CDH26: variants seen among roughly 807,000 people sequenced by gnomAD.
The protein encoded by CDH26 is cadherin 26, also known as cadherin-like protein 26.
A neutral mutation model predicts 90.3 loss-of-function variants in CDH26; 83 were observed. The observed-to-expected ratio is 0.92, with a 90% CI of 0.77 to 1.10. The LOEUF is 1.10. Among genes scored for constraint, CDH26 ranks in the 50% least tolerant of loss-of-function variants. The pLI is 0.00. For synonymous variants in CDH26, 397 were observed against 396.3 expected, an observed-to-expected ratio of 1.00 and a Z score of -0.02; for missense variants, 1,013 against 1,037.6, an observed-to-expected ratio of 0.98 and a Z score of 0.33.
intron 1 of CDH26, among the ~76,000 whole-genome samples, chr20:59,967,931 TTCCC>T (rs2061188133): frequency 1.5e-5 from 2 of 132,614 alleles, no homozygotes; most frequent in African/African-American, 6.5e-5. Flanking sequence ...TTCCTTTCCT[TTCCC>T]TTTCTTTCTT....
At chr20:59,959,592 G>T (rs972792179) in intron 1 of CDH26, among the ~76,000 whole-genome samples, 23 of 149,254 alleles carry the variant, frequency 1.5e-4, no homozygotes, top group African/African-American at 5.7e-4. Context: ...TAGAGACAGG[G>T]TTTCACCATG....
intron 4 of CDH26, among the ~76,000 whole-genome samples, chr20:59,975,394 G>C (rs1005246043): frequency 1.3e-5 from 2 of 152,128 alleles, no homozygotes; most frequent in African/African-American, 4.8e-5. Context: ...GAGAGGCCCG[G>C]AAGAGTCTCT....
At chr20:59,963,477 C>G (rs1161865018) in intron 1 of CDH26, among the ~76,000 whole-genome samples, 4 of 152,100 alleles carry the variant, frequency 2.6e-5, no homozygotes, top group Non-Finnish European at 5.9e-5. Flanking sequence ...AGGATTTAAA[C>G]TCAGGTCTTC....
intron 1 of CDH26, among the ~76,000 whole-genome samples, chr20:59,966,322 C>T (rs1033096221): frequency 6.6e-6 from 1 of 151,470 alleles, no homozygotes; most frequent in African/African-American, 2.4e-5. Context: ...AAACCTTCTG[C>T]CTTGATGTAC....
chr20:59,994,097 G>T (rs1394362491), intron 10 of CDH26, 153 bp from the exon 11 acceptor site: 2 of 947,302 alleles, frequency 2.1e-6, no homozygotes, highest in African/African-American at 1.7e-5. Context: ...CAGGAAAACA[G>T]ATCACGTGCA....
At chr20:59,994,617 T>C in intron 11 of CDH26, 128 bp downstream of exon 11, 1 of 1,171,104 alleles carries the variant, frequency 8.5e-7, no homozygotes, top group Non-Finnish European at 1.2e-6. Flanking sequence ...CAGAGCTGGC[T>C]CTAGGTGCTC....
chr20:59,966,795 G>T (rs1278172148), intron 1 of CDH26, among the ~76,000 whole-genome samples: 1 of 152,130 alleles, frequency 6.6e-6, no homozygotes, highest in African/African-American at 2.4e-5. Flanking sequence ...TATATACATG[G>T]ATGTTTATTA....
At chr20:60,008,589 G>A (rs922220941) in intron 17 of CDH26, among the ~76,000 whole-genome samples, 1 of 152,176 alleles carries the variant, frequency 6.6e-6, no homozygotes, top group Non-Finnish European at 1.5e-5. Flanking sequence ...GAGCCTGGAC[G>A]TCTCCTGCTG....
chr20:59,983,762 A>C (rs1057428363), intron 5 of CDH26, among the ~76,000 whole-genome samples: 8 of 152,196 alleles, frequency 5.3e-5, no homozygotes, highest in African/African-American at 1.9e-4. Context: ...ATCATAGTAC[A>C]CATTGTATAT....
chr20:60,031,371 C>G (rs149508748), exon 8 of CDH26: 1 of 1,267,280 alleles, frequency 7.9e-7, no homozygotes, highest in Non-Finnish European at 1.0e-6. Flanking sequence ...AACGGAAACA[C>G]GGGGCTTTGG....
At chr20:60,020,808 A>G (rs1437484243) in intron 7 of CDH26, among the ~76,000 whole-genome samples, 5 of 152,174 alleles carry the variant, frequency 3.3e-5, no homozygotes, top group Non-Finnish European at 5.9e-5. Context: ...AAATCCTTGC[A>G]GCTCTCCAAA....
intron 1 of CDH26, among the ~76,000 whole-genome samples, chr20:59,967,902 TTC>T (rs2061185020): frequency 8.7e-6 from 1 of 114,698 alleles, no homozygotes; most frequent in African/African-American, 4.9e-5. Context: ...CCTTCCTTCC[TTC>T]CTTCCTTTCC....
intron 3 of CDH26, 76 bp downstream of exon 3, chr20:59,970,262 G>A (rs78153451): frequency 0.026 from 41,190 of 1,564,126 alleles, 605 homozygotes; most frequent in Middle Eastern, 0.041. Context: ...GGAAGATTAA[G>A]TCTTGAAAGG....
At position 59,970,145 on chromosome 20, in the gene CDH26, G is replaced by C; in HGVS notation, c.190G>C (p.Glu64Gln). 2.5e-6 allele frequency: 4 copies of C among 1,614,092 alleles called. No individual in the cohort carries two copies. The highest frequency in any genetic ancestry group is 3.4e-6 in the Non-Finnish European group (4 of 1,179,990). Residue 64 changes from glutamate (E) to glutamine (Q), a missense_variant, in exon 3 of 18, where the codon GAG becomes CAG. Transcript: ENST00000348616. ...ATGGGTTATCACCACCTTGGAGCTG[G>C]AGGAGGAAGACCCGGGACCCTTTCC... ...RRWVITTLEL[E>Q]EEDPGPFPKL...
chr20:59,999,762 C>A, intron 14 of CDH26, 99 bp downstream of exon 14: 1 of 1,087,990 alleles, frequency 9.2e-7, no homozygotes, highest in Non-Finnish European at 1.4e-6. Flanking sequence ...AGTGCCACAT[C>A]CAGGGAGGTT....
At chr20:60,005,278 C>T (rs372669843) in intron 16 of CDH26, among the ~76,000 whole-genome samples, 3 of 152,060 alleles carry the variant, frequency 2.0e-5, no homozygotes, top group South Asian at 2.1e-4. Flanking sequence ...GTTGAGTTTT[C>T]GGGGAATCAA....
chr20:60,015,532 T>G (rs2061897585), downstream of CDH26, among the ~76,000 whole-genome samples: 1 of 152,264 alleles, frequency 6.6e-6, no homozygotes, highest in Admixed American at 6.5e-5. Context: ...TAATAACCCC[T>G]TATTGGATAA....
chr20:60,021,488 C>A (rs528318579), intron 7 of CDH26, among the ~76,000 whole-genome samples: 1 of 152,238 alleles, frequency 6.6e-6, no homozygotes, highest in South Asian at 2.1e-4. Context: ...CTATTTGGAA[C>A]CTCTACATCA....
intron 17 of CDH26, 132 bp downstream of exon 17, chr20:60,006,919 A>G (rs1434767758): frequency 7.5e-6 from 5 of 667,020 alleles, no homozygotes; most frequent in Admixed American, 5.0e-5. Context: ...ATAAAATACC[A>G]TAGCCTGACT....
Sources: gnomAD v4.1 joint callset for allele counts (sites outside exome capture counted in the v4.1 genomes callset) on GRCh38, gnomAD v4.1.1 for gene constraint, MANE v1.5 for transcripts, NCBI Gene and HGNC (gene_info 2026-07-23, HGNC 2026-07-21) for gene names.